PDE11A: variants seen among roughly 807,000 people sequenced by gnomAD.
PDE11A encodes the protein phosphodiesterase 11A.
PDE11A carries 100 observed loss-of-function variants against 100.5 expected under a neutral mutation model. That is an observed-to-expected ratio of 1.00 (90% CI 0.85 to 1.18). The LOEUF (loss-of-function observed/expected upper bound fraction) is 1.18. Among genes scored for constraint, PDE11A ranks in the 50% most tolerant of loss-of-function variants. PDE11A has a pLI of 0.00. For synonymous variants in PDE11A, 381 were observed against 420.8 expected (o/e 0.91, Z 1.16); for missense variants, 1,141 against 1,152.6 (o/e 0.99, Z 0.15).
intron 2 of PDE11A, among the ~76,000 whole-genome samples, chr2:177,954,703 G>A (rs1384424657): frequency 6.6e-6 from 1 of 152,116 alleles, no homozygotes; most frequent in Non-Finnish European, 1.5e-5. Context: ...ACATTGCTCT[G>A]TGCAAATGGT....
At chr2:177,718,347 C>T (rs2081474237) in intron 12 of PDE11A, among the ~76,000 whole-genome samples, 3 of 152,212 alleles carry the variant, frequency 2.0e-5, no homozygotes, top group African/African-American at 7.2e-5. Flanking sequence ...ACTTACTGTG[C>T]TACACAGCCC....
chr2:177,631,747 ACTT>A lies in PDE11A; in HGVS notation c.2647-2188_2647-2186del, dbSNP rs1248786242. On this transcript the variant is annotated intron_variant, in intron 19 of 19. Transcript: ENST00000286063. ...AATGTATGGATTTTTAAGCATTCATACTTCTTGGGCCTGTTTTCCATCTCCAGG... is the reference window on the plus strand; with the variant it reads ...AATGTATGGATTTTTAAGCATTCATACTTGGGCCTGTTTTCCATCTCCAGG... Among the ~76,000 whole-genome samples, 4 of 150,864 alleles carry A rather than the reference ACTT, an allele frequency of 2.7e-5. No homozygotes were observed. In the East Asian group the frequency reaches 7.8e-4, roughly 29 times the overall value.
At chr2:177,708,091 T>TCGGAC (rs112013925) in intron 13 of PDE11A, among the ~76,000 whole-genome samples, 2,510 of 152,150 alleles carry the variant, frequency 0.016, 63 homozygotes, top group African/African-American at 0.057. Flanking sequence ...CAAGGAGCAA[T>TCGGAC]CGGACCCTAC....
intron 2 of PDE11A, among the ~76,000 whole-genome samples, chr2:177,906,274 G>C (rs2084787026): frequency 6.6e-6 from 1 of 152,124 alleles, no homozygotes; most frequent in South Asian, 2.1e-4. Context: ...ACCAGCAGAG[G>C]GCAGTGCAGT....
intron 15 of PDE11A, among the ~76,000 whole-genome samples, chr2:177,683,804 G>A (rs2080901918): frequency 6.6e-6 from 1 of 152,152 alleles, no homozygotes; most frequent in East Asian, 1.9e-4. Context: ...GGGAAGTGGT[G>A]GAGTGGAAAG....
intron 19 of PDE11A, among the ~76,000 whole-genome samples, chr2:177,631,298 A>C (rs960039508): frequency 1.6e-5 from 2 of 128,476 alleles, no homozygotes; most frequent in African/African-American, 7.4e-5. Flanking sequence ...ATGCAAAAAA[A>C]AAAAAAAAAA....
At chr2:177,861,406 T>C (rs534979742) in intron 5 of PDE11A, among the ~76,000 whole-genome samples, 1 of 151,610 alleles carries the variant, frequency 6.6e-6, no homozygotes, top group Non-Finnish European at 1.5e-5. Flanking sequence ...CTACAAAACA[T>C]TGCTGAAAGA....
intron 9 of PDE11A, among the ~76,000 whole-genome samples, chr2:177,793,569 C>T (rs1186952577): frequency 6.8e-6 from 1 of 146,566 alleles, no homozygotes; most frequent in Admixed American, 6.8e-5. Flanking sequence ...AAGAGCTCCA[C>T]TCAGGGAGGA....
chr2:177,666,580 C>T (rs2080587852), intron 18 of PDE11A, among the ~76,000 whole-genome samples: 1 of 151,384 alleles, frequency 6.6e-6, no homozygotes, highest in African/African-American at 2.5e-5. Context: ...GTCTTTTTTG[C>T]TATAGCTATC....
At chr2:178,029,955 C>T (rs9646739) in intron 1 of PDE11A, among the ~76,000 whole-genome samples, 2,224 of 152,234 alleles carry the variant, frequency 0.015, 39 homozygotes, top group East Asian at 0.09. Flanking sequence ...CATGTTATGC[C>T]ACAGCAAGAA....
intron 15 of PDE11A, among the ~76,000 whole-genome samples, chr2:177,685,032 T>A (rs766643023): frequency 7.2e-5 from 11 of 152,206 alleles, no homozygotes; most frequent in Non-Finnish European, 1.0e-4. Context: ...ATTCTATGAG[T>A]TATTCCAAGA....
chr2:177,907,618 G>T (rs10221783), intron 2 of PDE11A, among the ~76,000 whole-genome samples: 17,061 of 152,142 alleles, frequency 0.11, 1,097 homozygotes, highest in African/African-American at 0.18. Context: ...TTCTGTACAC[G>T]TGGCAGAGAG....
chr2:177,799,234 G>A (rs1469668406), intron 9 of PDE11A, among the ~76,000 whole-genome samples: 1 of 152,166 alleles, frequency 6.6e-6, no homozygotes, highest in East Asian at 1.9e-4. Flanking sequence ...ATGAATCAAT[G>A]TAATAGGGTA....
At chr2:178,022,049 A>G (rs2086419899) in intron 1 of PDE11A, among the ~76,000 whole-genome samples, 1 of 152,042 alleles carries the variant, frequency 6.6e-6, no homozygotes, top group African/African-American at 2.4e-5. Flanking sequence ...GGTGAGTGGG[A>G]GTGATATGAC....
In PDE11A at chr2:178,014,282, C is replaced by A. The variant is rs556070081; in HGVS notation, c.1071+20G>T. The stretch of plus-strand genomic sequence containing the variant: ...TGACCAAGAAGAAAAGTACAACTCA[C>A]AAAAGGCATGAAATCTTACTTTTTC... On this transcript the variant is annotated intron_variant, in intron 2 of 19. Transcript: ENST00000286063. 2 of 1,589,126 alleles carry A rather than the reference C, an allele frequency of 1.3e-6. No individual in the cohort carries two copies. Among genetic ancestry groups the A allele is most frequent in the South Asian group, 1.1e-5 (1 of 90,572 alleles).
At chr2:177,984,650 A>G (rs779978153) in intron 2 of PDE11A, among the ~76,000 whole-genome samples, 9 of 152,214 alleles carry the variant, frequency 5.9e-5, no homozygotes, top group Admixed American at 3.9e-4. Context: ...TTAAGTTCTC[A>G]TTAGATGCCA....
intron 2 of PDE11A, among the ~76,000 whole-genome samples, chr2:177,994,904 AAAACCAC>A (rs1239208398): frequency 6.6e-6 from 1 of 152,194 alleles, no homozygotes; most frequent in Non-Finnish European, 1.5e-5. Context: ...AAAGAAAAAA[AAAACCAC>A]AGTGTTAAGT....
chr2:177,896,282 A>G (rs1467897576), intron 4 of PDE11A, among the ~76,000 whole-genome samples: 3 of 152,252 alleles, frequency 2.0e-5, no homozygotes, highest in African/African-American at 7.2e-5. Context: ...CCAACATTCT[A>G]TATCAACTTC....
intron 2 of PDE11A, among the ~76,000 whole-genome samples, chr2:178,079,148 T>G (rs2105877707): frequency 6.6e-6 from 1 of 152,306 alleles, no homozygotes; most frequent in East Asian, 1.9e-4. Flanking sequence ...ACAGATTCTT[T>G]TTTTCTTCAA....
Sources: gnomAD v4.1 joint callset for allele counts (sites outside exome capture counted in the v4.1 genomes callset) on GRCh38, gnomAD v4.1.1 for gene constraint, MANE v1.5 for transcripts, NCBI Gene and HGNC (gene_info 2026-07-23, HGNC 2026-07-21) for gene names.